MGAT4A: variants seen among roughly 807,000 people sequenced by gnomAD.
MGAT4A encodes N-acetylglucosaminyltransferase IVa.
A neutral mutation model predicts 74.1 loss-of-function variants in MGAT4A; 33 were observed. The observed-to-expected ratio is 0.45, with a 90% CI of 0.34 to 0.60. The LOEUF is 0.60. Ranked by LOEUF, MGAT4A falls within the 20% of genes least tolerant of loss-of-function variation. The pLI, the probability that MGAT4A is intolerant of heterozygous loss-of-function variation, is 0.02. For missense variants in MGAT4A, 479 were observed against 628.3 expected (o/e 0.76, Z 2.54); for synonymous variants, 198 against 210.4 (o/e 0.94, Z 0.51).
intron 5 of MGAT4A, among the ~76,000 whole-genome samples, chr2:98,661,005 G>A (rs1024117158): frequency 1.3e-5 from 2 of 152,158 alleles, no homozygotes; most frequent in African/African-American, 4.8e-5. Flanking sequence ...GAAAATATCT[G>A]CATGCTGCAC....
chr2:98,636,653 A>G (rs2104228094), intron 12 of MGAT4A, 58 bp from the exon 13 acceptor site: 1 of 1,472,656 alleles, frequency 6.8e-7, no homozygotes, highest in East Asian at 2.3e-5. Flanking sequence ...ACAAAGATTC[A>G]AGAAAATGAC....
intron 14 of MGAT4A, among the ~76,000 whole-genome samples, chr2:98,627,403 T>G (rs1701161608): frequency 6.6e-6 from 1 of 151,538 alleles, no homozygotes; most frequent in South Asian, 2.1e-4. Flanking sequence ...TGAGATAGAG[T>G]CTCACTCTGT....
At chr2:98,711,442 A>G (rs1439107447) in intron 2 of MGAT4A, among the ~76,000 whole-genome samples, 1 of 152,120 alleles carries the variant, frequency 6.6e-6, no homozygotes, top group Non-Finnish European at 1.5e-5. Flanking sequence ...GATTTCTAAA[A>G]TCCCAGAAAG....
At chr2:98,626,790 C>T (rs1193890415) in intron 14 of MGAT4A, among the ~76,000 whole-genome samples, 1 of 151,964 alleles carries the variant, frequency 6.6e-6, no homozygotes, top group Non-Finnish European at 1.5e-5. Context: ...GTTAGTGTTC[C>T]CTATAATCAA....
chr2:98,658,333 C>T (rs528552491), intron 5 of MGAT4A, 69 bp from the exon 6 acceptor site: 3 of 810,574 alleles, frequency 3.7e-6, no homozygotes, highest in Non-Finnish European at 5.9e-6. Context: ...ATACTGAACT[C>T]GAAATTAAAT....
At chr2:98,655,342 T>A in intron 8 of MGAT4A, 103 bp downstream of exon 8, 1 of 782,590 alleles carries the variant, frequency 1.3e-6, no homozygotes. Context: ...TTGTCAGATC[T>A]CAGAGGGTTT....
Position 98,731,096 on chromosome 2 carries a change from A to AGCCGCCGCC in MGAT4A, c.-293_-285dup, listed in dbSNP as rs1206270683. ...CCGCGGCTGCCGGCGGAGCTGCTGT[A>AGCCGCCGCC]GCCGCCGCCGCCGCTGCCGCCGCCG... On this transcript the variant is annotated 5_prime_UTR_variant, in exon 1 of 16. Transcript: ENST00000393487. The surrounding 1 kb of genome is among the most constrained non-coding windows in gnomAD (Gnocchi z 4.8). The AGCCGCCGCC allele has an allele frequency of 8.7e-6, 1 of 114,834 alleles. No homozygotes were observed. The highest frequency in any genetic ancestry group is 2.8e-4 in the East Asian group (1 of 3,614). The allele number at this position is 114,834 out of a possible 1,614,324, so 7.1% of individuals were successfully genotyped here.
intron 14 of MGAT4A, among the ~76,000 whole-genome samples, chr2:98,627,616 T>C (rs1202918522): frequency 6.6e-6 from 1 of 152,210 alleles, no homozygotes; most frequent in Non-Finnish European, 1.5e-5. Flanking sequence ...CCTCAAGTGA[T>C]CCACCTGCCT....
In MGAT4A at chr2:98,662,519, T is replaced by G. The variant is rs533672584; in HGVS notation, c.537+527A>C. On this transcript the variant is annotated intron_variant, in intron 5 of 15. Transcript: ENST00000393487. ...TCCTAAATCCTTTCCCATTCTGAAATTCTATACAATAATTAAGAAAATATT... is the reference window on the plus strand; with the variant it reads ...TCCTAAATCCTTTCCCATTCTGAAAGTCTATACAATAATTAAGAAAATATT... 2.0e-5 allele frequency among the ~76,000 whole-genome samples: 3 copies of G among 152,324 alleles called. 1 individual carries two copies. In the South Asian group the frequency reaches 6.2e-4, roughly 32 times the overall value.
chr2:98,623,447 T>C lies in MGAT4A; in HGVS notation c.*2119A>G. On this transcript the variant is annotated 3_prime_UTR_variant, in exon 16 of 16. Coordinates refer to ENST00000393487, the MANE Select transcript of MGAT4A (RefSeq NM_012214.3). ...CTCCTAAGCCCACCTGCAGAGATTT[T>C]TACTTCTGGTACTCAGTTATCTTTG... 1.0e-6 allele frequency: 1 copy of C among 985,440 alleles called. No homozygotes were observed. Among genetic ancestry groups the C allele is most frequent in the Non-Finnish European group, 1.2e-6 (1 of 829,928 alleles). The allele number at this position is 985,440 out of a possible 1,614,324, so 61.0% of individuals were successfully genotyped here.
intron 4 of MGAT4A, among the ~76,000 whole-genome samples, chr2:98,668,382 C>A (rs538794131): frequency 6.6e-6 from 1 of 152,240 alleles, no homozygotes; most frequent in Admixed American, 6.5e-5. Context: ...TCAGAGGGTG[C>A]AAGCCCCAAG....
intron 10 of MGAT4A, among the ~76,000 whole-genome samples, chr2:98,640,631 A>G (rs1701393141): frequency 6.6e-6 from 1 of 152,090 alleles, no homozygotes; most frequent in African/African-American, 2.4e-5. Context: ...CAAAACAACA[A>G]CAACAAAATT....
intron 4 of MGAT4A, among the ~76,000 whole-genome samples, chr2:98,664,869 T>A (rs897777276): frequency 6.6e-6 from 1 of 152,236 alleles, no homozygotes; most frequent in Non-Finnish European, 1.5e-5. Flanking sequence ...GGAACACTTA[T>A]ACTGCATTAT....
rs1196217415 is a variant in MGAT4A at position 98,663,102 on chromosome 2, C to T, written c.481G>A (p.Asp161Asn). Residue 161 changes from aspartate to asparagine, a missense_variant, in exon 5 of 16, where the codon GAT becomes AAT. This residue lies in a region of MGAT4A where 205 missense variants were observed against 232.7 expected (regional missense o/e 0.88). Coordinates refer to ENST00000393487, the MANE Select transcript of MGAT4A (RefSeq NM_012214.3). ...AACTTCTCTTCAGGATACAGGTTAT[C>T]AATAAGGGAATGAAGAGTTTCTATG... ...YLIETLHSLI[D>N]NLYPEEKLDC... 1.9e-6 allele frequency: 3 copies of T among 1,601,180 alleles called. No individual in the cohort carries two copies. Among genetic ancestry groups the T allele is most frequent in the Non-Finnish European group, 2.6e-6 (3 of 1,171,020 alleles).
intron 2 of MGAT4A, chr2:98,695,602 ACCAAC>A (rs1447192073): frequency 6.5e-6 from 1 of 154,538 alleles, no homozygotes; most frequent in Non-Finnish European, 1.5e-5. Context: ...TGTGTATGGA[ACCAAC>A]TGTTTATAGT....
chr2:98,623,992 C>G lies in MGAT4A; in HGVS notation c.*1574G>C. On this transcript the variant is annotated 3_prime_UTR_variant, in exon 16 of 16. Coordinates refer to ENST00000393487, the MANE Select transcript of MGAT4A (RefSeq NM_012214.3). Reference sequence around the variant, plus strand: ...ACCCCAGTGTGTCCAAGCAGACTGGCTGGGAACTGATGTTGATACTTCATC... The same window carrying G: ...ACCCCAGTGTGTCCAAGCAGACTGGGTGGGAACTGATGTTGATACTTCATC... 1 of 985,442 alleles carries G rather than the reference C, an allele frequency of 1.0e-6. No homozygotes were observed. Among genetic ancestry groups the G allele is most frequent in the Non-Finnish European group, 1.2e-6 (1 of 830,012 alleles). The allele number at this position is 985,442 out of a possible 1,614,324, so 61.0% of individuals were successfully genotyped here. A position where few individuals can be genotyped will look rare whatever the true frequency, so the allele number is the denominator to read the frequency against.
intron 2 of MGAT4A, among the ~76,000 whole-genome samples, chr2:98,678,693 CTTA>C (rs1429486827): frequency 1.3e-5 from 2 of 151,882 alleles, no homozygotes; most frequent in African/African-American, 4.8e-5. Context: ...TTATTATGCT[CTTA>C]TTATTGGTAA....
intron 12 of MGAT4A, among the ~76,000 whole-genome samples, chr2:98,637,775 T>C (rs768676632): frequency 1.3e-5 from 2 of 152,204 alleles, no homozygotes; most frequent in Non-Finnish European, 2.9e-5. Context: ...GAGTTTCTTC[T>C]ATAATGCAGA....
At position 98,622,031 on chromosome 2, in the gene MGAT4A, A is replaced by G; in HGVS notation, c.*3535T>C. The G allele has an allele frequency of 1.0e-6, 1 of 986,088 alleles. No individual in the cohort carries two copies. The highest frequency in any genetic ancestry group is 1.2e-6 in the Non-Finnish European group (1 of 830,414). The allele number at this position is 986,088 out of a possible 1,614,324, so 61.1% of individuals were successfully genotyped here. A position where few individuals can be genotyped will look rare whatever the true frequency, so the allele number is the denominator to read the frequency against. ...CAATCACACTGTCTGTTCTGACTAC[A>G]CAGTATGGTACAGCGCGTGATGTGG... On this transcript the variant is annotated 3_prime_UTR_variant, in exon 16 of 16. Transcript: ENST00000393487.
Sources: gnomAD v4.1 joint callset for allele counts (sites outside exome capture counted in the v4.1 genomes callset) on GRCh38, gnomAD v4.1.1 for gene constraint, gnomAD v4.1.1 regional missense constraint, Gnocchi (gnomAD v3.1) non-coding constraint, MANE v1.5 for transcripts, NCBI Gene and HGNC (gene_info 2026-07-23, HGNC 2026-07-21) for gene names.